Variants in SPIRE1 observed in about 807,000 individuals in gnomAD.
The protein encoded by SPIRE1 is spire type actin nucleation factor 1.
Under a neutral mutation model 94.1 loss-of-function variants are expected in SPIRE1, and 40 were observed. The ratio of observed to expected loss-of-function variants is 0.43; its 90% CI spans 0.33 to 0.55. The LOEUF is 0.55. Among genes scored for constraint, SPIRE1 ranks in the 20% least tolerant of loss-of-function variants. The pLI is 0.06. For missense variants in SPIRE1, 838 were observed against 975.2 expected, an observed-to-expected ratio of 0.86 and a Z score of 1.87; for synonymous variants, 376 against 371.7, an observed-to-expected ratio of 1.01 and a Z score of -0.13.
intron 5 of SPIRE1, among the ~76,000 whole-genome samples, chr18:12,511,796 T>C (rs2034042434): frequency 6.6e-6 from 1 of 152,112 alleles, no homozygotes; most frequent in Non-Finnish European, 1.5e-5. Flanking sequence ...GTGATCATAG[T>C]TCACTGCAGC....
intron 9 of SPIRE1, among the ~76,000 whole-genome samples, chr18:12,485,189 C>T (rs12959998): frequency 0.098 from 14,772 of 150,676 alleles, 1,060 homozygotes; most frequent in Middle Eastern, 0.2. Flanking sequence ...ACTGCAACCT[C>T]CGCCTCCTGG....
intron 1 of SPIRE1, among the ~76,000 whole-genome samples, chr18:12,638,920 C>T (rs1480078551): frequency 6.6e-6 from 1 of 152,128 alleles, no homozygotes; most frequent in Non-Finnish European, 1.5e-5. Flanking sequence ...TCCTGTACAG[C>T]CTGCAGAACA....
upstream of SPIRE1, among the ~76,000 whole-genome samples, chr18:12,659,247 C>A (rs1337337990): frequency 6.9e-6 from 1 of 144,450 alleles, no homozygotes; most frequent in Admixed American, 6.8e-5. Flanking sequence ...TCAACAATTG[C>A]ATCTTGCGGT....
intron 6 of SPIRE1, among the ~76,000 whole-genome samples, chr18:12,501,033 T>C (rs143798622): frequency 1.2e-3 from 158 of 131,646 alleles, no homozygotes; most frequent in African/African-American, 4.4e-3. Context: ...GATCACGCCA[T>C]TGCACTCCAT....
intron 2 of SPIRE1, among the ~76,000 whole-genome samples, chr18:12,572,413 T>C (rs532465486): frequency 5.9e-5 from 9 of 152,180 alleles, no homozygotes; most frequent in African/African-American, 2.2e-4. Context: ...GTGCTAGGAT[T>C]ACAGACATGA....
intron 3 of SPIRE1, among the ~76,000 whole-genome samples, chr18:12,538,307 TA>T (rs572907148): frequency 1.9e-3 from 293 of 152,268 alleles, no homozygotes; most frequent in African/African-American, 6.6e-3. Context: ...CATCAGGGGT[TA>T]GGGGGACAAA....
chr18:12,654,923 G>A (rs1455321593), intron 1 of SPIRE1, among the ~76,000 whole-genome samples: 1 of 151,904 alleles, frequency 6.6e-6, no homozygotes, highest in Non-Finnish European at 1.5e-5. Flanking sequence ...AGCTGCTCGG[G>A]AGGCTGAGGC....
intron 16 of SPIRE1, chr18:12,451,045 G>C: frequency 2.0e-6 from 1 of 489,218 alleles, no homozygotes; most frequent in Non-Finnish European, 3.7e-6. Flanking sequence ...AGGAGGAGGA[G>C]GAGGATGAAT....
chr18:12,517,426 T>C (rs888553800), intron 4 of SPIRE1, among the ~76,000 whole-genome samples: 3 of 152,230 alleles, frequency 2.0e-5, no homozygotes, highest in Admixed American at 6.5e-5. Flanking sequence ...GCTAGAAAGC[T>C]CAATTTTTCT....
At chr18:12,613,754 G>C (rs1349103773) in intron 2 of SPIRE1, among the ~76,000 whole-genome samples, 1 of 151,970 alleles carries the variant, frequency 6.6e-6, no homozygotes, top group African/African-American at 2.4e-5. Flanking sequence ...ACAAAAATTA[G>C]CTGGGCAAGG....
chr18:12,604,945 T>C (rs2036932022), intron 2 of SPIRE1, among the ~76,000 whole-genome samples: 1 of 151,920 alleles, frequency 6.6e-6, no homozygotes, highest in South Asian at 2.1e-4. Flanking sequence ...TAACACACTA[T>C]AGCATGGTTG....
At chr18:12,455,936 A>G (rs1182382554) in intron 12 of SPIRE1, among the ~76,000 whole-genome samples, 1 of 152,260 alleles carries the variant, frequency 6.6e-6, no homozygotes, top group African/African-American at 2.4e-5. Flanking sequence ...AACTTGTCAA[A>G]CATTAGCATT....
In SPIRE1 at chr18:12,451,296, C is replaced by T. The variant is rs542524834; in HGVS notation, c.2012+959G>A. Among the ~76,000 whole-genome samples the T allele has an allele frequency of 2.0e-5, 3 of 152,120 alleles. No homozygotes were observed. In the South Asian group the frequency reaches 6.2e-4, roughly 32 times the overall value. On this transcript the variant is annotated intron_variant, in intron 16 of 16. Transcript: ENST00000409402. The stretch of plus-strand genomic sequence containing the variant: ...GTATTTATCAAACAAGCTTCTCCCT[C>T]CCCAACAATTCCCTGTATTTGTGCG...
At chr18:12,466,225 C>G (rs1467193361) in intron 10 of SPIRE1, among the ~76,000 whole-genome samples, 1 of 152,074 alleles carries the variant, frequency 6.6e-6, no homozygotes, top group Non-Finnish European at 1.5e-5. Context: ...GAAATATTTA[C>G]TAAATACTAT....
chr18:12,526,092 C>CACACACAGAG (rs765621602), intron 4 of SPIRE1, among the ~76,000 whole-genome samples: 1 of 148,974 alleles, frequency 6.7e-6, no homozygotes, highest in African/African-American at 2.5e-5. Flanking sequence ...CACACACACA[C>CACACACAGAG]AGAGATGTAT....
At chr18:12,456,174 TA>T (rs900314912) in intron 12 of SPIRE1, among the ~76,000 whole-genome samples, 2 of 152,182 alleles carry the variant, frequency 1.3e-5, no homozygotes, top group African/African-American at 4.8e-5. Context: ...AATACGCATT[TA>T]AAAAATTAAC....
At position 12,447,981 on chromosome 18, in the gene SPIRE1, T is replaced by G. The variant is rs2031027334; in HGVS notation, c.*1657A>C. The G allele has an allele frequency of 6.6e-6, 1 of 152,158 alleles. No individual in the cohort carries two copies. Among genetic ancestry groups the G allele is most frequent in the Non-Finnish European group, 1.5e-5 (1 of 68,026 alleles). The allele number at this position is 152,158 out of a possible 1,614,324, so 9.4% of individuals were successfully genotyped here. On this transcript the variant is annotated 3_prime_UTR_variant, in exon 17 of 17. Coordinates refer to ENST00000409402, the MANE Select transcript of SPIRE1 (RefSeq NM_001128626.2). ...CTCTTAGGAAGTTTTATAAATGAGA[T>G]TCACCCAGTACAATTCTGAAAGCTC... is the stretch of plus-strand genomic sequence containing the variant.
intron 3 of SPIRE1, among the ~76,000 whole-genome samples, chr18:12,539,581 A>G (rs1319528550): frequency 6.9e-6 from 1 of 144,662 alleles, no homozygotes; most frequent in Non-Finnish European, 1.5e-5. Context: ...ACACATACAC[A>G]CACACGCACA....
At chr18:12,654,412 C>T (rs2038473874) in intron 1 of SPIRE1, among the ~76,000 whole-genome samples, 1 of 150,126 alleles carries the variant, frequency 6.7e-6, no homozygotes, top group South Asian at 2.1e-4. Flanking sequence ...TTTGGGAGGC[C>T]GAGACGGGCG....
Sources: allele counts gnomAD v4.1 joint callset (sites outside exome capture counted in the v4.1 genomes callset), GRCh38; gene constraint gnomAD v4.1.1; transcripts MANE v1.5; gene names NCBI Gene and HGNC (gene_info 2026-07-23, HGNC 2026-07-21).